CNBD1: variants seen among roughly 807,000 people sequenced by gnomAD.
The protein encoded by CNBD1 is cyclic nucleotide-binding domain-containing protein 1.
Under a neutral mutation model 54.4 loss-of-function variants are expected in CNBD1, and 71 were observed. The ratio of observed to expected loss-of-function variants is 1.30; its 90% confidence interval spans 1.08 to 1.59. The LOEUF (loss-of-function observed/expected upper bound fraction) is 1.59, where lower values mean the gene tolerates loss of function less well. Ranked by LOEUF, CNBD1 falls within the 40% of genes most tolerant of loss-of-function variation. The probability of loss-of-function intolerance (pLI) is 0.00; values close to 1 mark genes in which losing one functional copy is unlikely to be tolerated. For synonymous variants in CNBD1, 182 were observed against 170.7 expected (o/e 1.07, Z -0.51); for missense variants, 659 against 518.0 (o/e 1.27, Z -2.64).
chr8:86,897,204 A>G (rs1381423484), intron 2 of CNBD1, among the ~76,000 whole-genome samples: 1 of 152,190 alleles, frequency 6.6e-6, no homozygotes, highest in East Asian at 1.9e-4. Flanking sequence ...TTCATTTTGC[A>G]CTGGGCCCCG....
chr8:87,101,660 G>T (rs1811431139), intron 4 of CNBD1, among the ~76,000 whole-genome samples: 2 of 151,992 alleles, frequency 1.3e-5, no homozygotes, highest in Admixed American at 1.3e-4. Context: ...AACATTTATA[G>T]AACATGACAA....
intron 6 of CNBD1, among the ~76,000 whole-genome samples, chr8:87,281,526 A>T (rs1188523047): frequency 1.6e-5 from 2 of 121,542 alleles, no homozygotes; most frequent in East Asian, 5.5e-4. Flanking sequence ...TTTCATCAGA[A>T]TTCTTCTAGG....
At chr8:87,306,849 A>G (rs1446746621) in intron 8 of CNBD1, among the ~76,000 whole-genome samples, 1 of 152,122 alleles carries the variant, frequency 6.6e-6, no homozygotes, top group Non-Finnish European at 1.5e-5. Flanking sequence ...AATCTCACAA[A>G]TCACCACTAA....
At chr8:87,250,391 A>G (rs1267179945) in intron 6 of CNBD1, among the ~76,000 whole-genome samples, 1 of 152,222 alleles carries the variant, frequency 6.6e-6, no homozygotes, top group East Asian at 1.9e-4. Flanking sequence ...AAATTAGTAT[A>G]GGCACTATGG....
intron 4 of CNBD1, among the ~76,000 whole-genome samples, chr8:87,064,941 T>C (rs187867263): frequency 6.6e-6 from 1 of 151,986 alleles, no homozygotes; most frequent in Admixed American, 6.6e-5. Context: ...TCTCAACTTA[T>C]CCCCTGTGTC....
intron 4 of CNBD1, among the ~76,000 whole-genome samples, chr8:86,949,024 A>G (rs1371799784): frequency 6.6e-6 from 1 of 151,990 alleles, no homozygotes; most frequent in Non-Finnish European, 1.5e-5. Context: ...TCCTCAGTGT[A>G]TTTCTTGGTA....
Position 86,912,921 on chromosome 8 carries a change from A to G in CNBD1, c.272+7727A>G, listed in dbSNP as rs1809126620. Among the ~76,000 whole-genome samples the G allele has an allele frequency of 2.0e-5, 3 of 152,272 alleles. No individual in the cohort carries two copies. The South Asian group carries it at 6.2e-4, about 32-fold the overall frequency. On this transcript the variant is annotated intron_variant, in intron 3 of 10. Transcript: ENST00000518476. ...TAATGTTTGTAATTGTGTATGTGTAACAACAACAAAAAGAGCTTAAAAAGT... is the reference window on the plus strand; with the variant it reads ...TAATGTTTGTAATTGTGTATGTGTAGCAACAACAAAAAGAGCTTAAAAAGT...
At position 87,182,167 on chromosome 8, in the gene CNBD1, T is replaced by G. The variant is rs1255515584; in HGVS notation, c.432-23826T>G. 3.9e-5 allele frequency among the ~76,000 whole-genome samples: 6 copies of G among 152,206 alleles called. No homozygotes were observed. Among genetic ancestry groups the G allele is most frequent in the Admixed American group, 3.3e-4 (5 of 15,276 alleles). On this transcript the variant is annotated intron_variant, in intron 4 of 10. Coordinates refer to ENST00000518476, the MANE Select transcript of CNBD1 (RefSeq NM_173538.3). This position sits in a 1 kb window ranked among gnomAD's most constrained non-coding sequence, Gnocchi z 4.1. ...TGGTATTTGGATTTCTGATCCTATG[T>G]TAGTTCACTTAGGATAATGGCCTTC...
intron 4 of CNBD1, among the ~76,000 whole-genome samples, chr8:87,080,515 G>A (rs1285664903): frequency 6.6e-6 from 1 of 151,314 alleles, no homozygotes; most frequent in East Asian, 1.9e-4. Flanking sequence ...AGGTTGCAGT[G>A]AGCCAAGATT....
chr8:87,035,870 T>C (rs1809928181), intron 4 of CNBD1, among the ~76,000 whole-genome samples: 1 of 152,144 alleles, frequency 6.6e-6, no homozygotes, highest in Non-Finnish European at 1.5e-5. Context: ...ATAGACCAAG[T>C]GGCTGCTTCA....
chr8:87,368,912 C>T (rs973109058), intron 10 of CNBD1, among the ~76,000 whole-genome samples: 3 of 151,858 alleles, frequency 2.0e-5, no homozygotes, highest in Non-Finnish European at 2.9e-5. Flanking sequence ...ATGTCAGATT[C>T]GGCTTCCCTC....
chr8:86,930,319 TG>T (rs1247266337), intron 3 of CNBD1, among the ~76,000 whole-genome samples: 1 of 152,142 alleles, frequency 6.6e-6, no homozygotes, highest in Non-Finnish European at 1.5e-5. Flanking sequence ...TTAGATGCCT[TG>T]TACCCTTGAT....
chr8:87,099,065 A>AAAAAC (rs978372704), intron 4 of CNBD1, among the ~76,000 whole-genome samples: 1 of 143,982 alleles, frequency 6.9e-6, no homozygotes, highest in African/African-American at 2.8e-5. Flanking sequence ...AAAAAACAAA[A>AAAAAC]CTCCAAATTT....
At chr8:87,104,473 G>T (rs1445127356) in intron 4 of CNBD1, among the ~76,000 whole-genome samples, 1 of 152,190 alleles carries the variant, frequency 6.6e-6, no homozygotes, top group African/African-American at 2.4e-5. Context: ...GCAGGACTTG[G>T]TATGGAGACA....
At chr8:87,349,288 A>G (rs776472849) in intron 8 of CNBD1, among the ~76,000 whole-genome samples, 6 of 152,206 alleles carry the variant, frequency 3.9e-5, no homozygotes, top group Non-Finnish European at 8.8e-5. Flanking sequence ...AAAATTAGGA[A>G]CAACAATCAG....
At chr8:86,883,135 T>C (rs1349305473) in intron 1 of CNBD1, among the ~76,000 whole-genome samples, 2 of 152,036 alleles carry the variant, frequency 1.3e-5, no homozygotes, top group Admixed American at 6.6e-5. Flanking sequence ...CACGTTTACC[T>C]ATATAACAAA....
intron 4 of CNBD1, among the ~76,000 whole-genome samples, chr8:86,983,439 A>G (rs926541654): frequency 6.6e-5 from 10 of 152,194 alleles, no homozygotes; most frequent in Non-Finnish European, 2.9e-5. Flanking sequence ...CAAAAAAGTG[A>G]AAGCAACTTT....
intron 2 of CNBD1, among the ~76,000 whole-genome samples, chr8:87,401,731 C>T (rs1007899843): frequency 4.0e-5 from 6 of 151,868 alleles, no homozygotes; most frequent in African/African-American, 1.2e-4. Flanking sequence ...TAATGATTTT[C>T]GTAGAAGCAT....
chr8:87,321,842 G>T (rs1231673379), intron 8 of CNBD1, among the ~76,000 whole-genome samples: 1 of 143,028 alleles, frequency 7.0e-6, no homozygotes, highest in African/African-American at 2.6e-5. Flanking sequence ...TAGGGTACAT[G>T]TGCACATTGT....
Sources: gnomAD v4.1 joint callset for allele counts (sites outside exome capture counted in the v4.1 genomes callset) on GRCh38, gnomAD v4.1.1 for gene constraint, Gnocchi (gnomAD v3.1) non-coding constraint, MANE v1.5 for transcripts, NCBI Gene and HGNC (gene_info 2026-07-23, HGNC 2026-07-21) for gene names.